The following SLC25A12 variants were observed in gnomAD, a reference collection of about 807,000 sequenced individuals.
SLC25A12 encodes solute carrier family 25 member 12, also known as electrogenic aspartate/glutamate antiporter SLC25A12, mitochondrial.
Under a neutral mutation model 83.3 loss-of-function variants are expected in SLC25A12, and 32 were observed. That is an observed-to-expected ratio of 0.38 (90% CI 0.29 to 0.52). The LOEUF is 0.52. SLC25A12 is among the 20% of genes least tolerant of loss of function. The pLI, the probability that SLC25A12 is intolerant of heterozygous loss-of-function variation, is 0.84. For synonymous variants in SLC25A12, 267 were observed against 291.1 expected (o/e 0.92, Z 0.84); for missense variants, 611 against 835.6 (o/e 0.73, Z 3.31).
At chr2:171,802,140 C>A (rs1157325590) in intron 13 of SLC25A12, among the ~76,000 whole-genome samples, 2 of 152,070 alleles carry the variant, frequency 1.3e-5, no homozygotes, top group Non-Finnish European at 2.9e-5. Context: ...TACCCCATCT[C>A]CACCTAAAAA....
intron 3 of SLC25A12, among the ~76,000 whole-genome samples, chr2:171,857,434 C>T (rs947345317): frequency 6.6e-6 from 1 of 152,000 alleles, no homozygotes; most frequent in East Asian, 1.9e-4. Flanking sequence ...CCTGTAATGC[C>T]AGCACTTTGG....
At chr2:171,835,900 C>T (rs1225685576) in intron 6 of SLC25A12, among the ~76,000 whole-genome samples, 4 of 151,900 alleles carry the variant, frequency 2.6e-5, no homozygotes, top group Non-Finnish European at 5.9e-5. Context: ...ATATACTCCT[C>T]TGAGGATTAG....
chr2:171,821,055 C>T (rs780574915), intron 9 of SLC25A12, among the ~76,000 whole-genome samples: 8 of 103,908 alleles, frequency 7.7e-5, no homozygotes, highest in East Asian at 3.3e-4. Context: ...TTTGAGACAG[C>T]GTCTCCCTCT....
chr2:171,810,561 G>A (rs1480394096), intron 11 of SLC25A12, among the ~76,000 whole-genome samples: 1 of 152,152 alleles, frequency 6.6e-6, no homozygotes, highest in Non-Finnish European at 1.5e-5. Context: ...AGAAGAAACG[G>A]AGCCATGCGT....
At chr2:171,816,810 A>T (rs553309430) in intron 9 of SLC25A12, among the ~76,000 whole-genome samples, 2 of 152,356 alleles carry the variant, frequency 1.3e-5, no homozygotes, top group East Asian at 3.9e-4. Context: ...TTTCAAGGCA[A>T]TGATGATATT....
intron 13 of SLC25A12, among the ~76,000 whole-genome samples, chr2:171,803,033 A>G (rs1288186204): frequency 6.6e-6 from 1 of 152,130 alleles, no homozygotes; most frequent in Non-Finnish European, 1.5e-5. Flanking sequence ...ACACATGTAT[A>G]TGAAAACATT....
chr2:171,852,418 A>G lies in SLC25A12; in HGVS notation c.325+3416T>C, dbSNP rs116003401. Among the ~76,000 whole-genome samples, 887 of 152,386 alleles carry G rather than the reference A, an allele frequency of 5.8e-3. 7 individuals are homozygous for G. Among genetic ancestry groups the G allele is most frequent in the African/African-American group, 0.018 (753 of 41,588 alleles). On this transcript the variant is annotated intron_variant, in intron 4 of 17. Coordinates refer to ENST00000422440, the MANE Select transcript of SLC25A12 (RefSeq NM_003705.5). ...GATAACATTATCATCATAGTCTACA[A>G]GAGATGCTGATAGCATAACAGGTTT...
chr2:171,871,231 C>T (rs1685450649), intron 2 of SLC25A12, among the ~76,000 whole-genome samples: 1 of 151,964 alleles, frequency 6.6e-6, no homozygotes, highest in African/African-American at 2.4e-5. Context: ...AAAAAAGCCA[C>T]AGAGACTACC....
At chr2:171,871,532 G>C (rs1377766736) in intron 2 of SLC25A12, among the ~76,000 whole-genome samples, 2 of 152,144 alleles carry the variant, frequency 1.3e-5, no homozygotes, top group Non-Finnish European at 2.9e-5. Flanking sequence ...TGTTAGGCCA[G>C]GATGGTCTTG....
intron 2 of SLC25A12, among the ~76,000 whole-genome samples, chr2:171,885,176 C>CAAA (rs11458998): frequency 2.5e-5 from 3 of 120,478 alleles, no homozygotes; most frequent in Middle Eastern, 4.9e-3. Context: ...GACTCCGTCT[C>CAAA]AAAAAAAAAA....
intron 9 of SLC25A12, among the ~76,000 whole-genome samples, chr2:171,823,518 T>C (rs1187611194): frequency 6.6e-6 from 1 of 152,212 alleles, no homozygotes; most frequent in Non-Finnish European, 1.5e-5. Flanking sequence ...ATTCTAATAA[T>C]TATTTATTAT....
intron 11 of SLC25A12, among the ~76,000 whole-genome samples, chr2:171,813,086 G>A (rs113355908): frequency 3.3e-5 from 5 of 151,914 alleles, no homozygotes; most frequent in Admixed American, 1.3e-4. Flanking sequence ...ACCCATGTTG[G>A]GACAAACACA....
chr2:171,814,039 A>G (rs1363869777), intron 10 of SLC25A12, among the ~76,000 whole-genome samples: 1 of 152,200 alleles, frequency 6.6e-6, no homozygotes, highest in Non-Finnish European at 1.5e-5. Flanking sequence ...TTTAAAAGAA[A>G]ATATGGCTAT....
chr2:171,814,593 G>T (rs1684011595), intron 10 of SLC25A12, among the ~76,000 whole-genome samples: 1 of 151,892 alleles, frequency 6.6e-6, no homozygotes. Flanking sequence ...CATCGCCCAG[G>T]TATTAATCCC....
At chr2:171,894,135 G>A in intron 1 of SLC25A12, 68 bp downstream of exon 1, 3 of 1,568,914 alleles carry the variant, frequency 1.9e-6, no homozygotes, top group East Asian at 2.4e-5. Flanking sequence ...GAAGCAGTGG[G>A]GGGCTGCAGG....
At chr2:171,798,338 A>G (rs1285221825) in intron 13 of SLC25A12, among the ~76,000 whole-genome samples, 1 of 152,096 alleles carries the variant, frequency 6.6e-6, no homozygotes, top group East Asian at 1.9e-4. Context: ...TCTCAATCCT[A>G]CCCCTGGGGC....
At position 171,826,578 on chromosome 2, in the gene SLC25A12, C is replaced by T. The variant is rs1293840369; in HGVS notation, c.930+220G>A. 2.6e-5 allele frequency among the ~76,000 whole-genome samples: 4 copies of T among 152,266 alleles called. No homozygotes were observed. The East Asian group carries it at 7.7e-4, about 29-fold the overall frequency. ...AAGCCGAGATCACGCCATTGCACTC[C>T]AGCCTGGGCAACACAGCCAGACTCC... is the stretch of plus-strand genomic sequence containing the variant. On this transcript the variant is annotated intron_variant, in intron 9 of 17. Transcript: ENST00000422440.
chr2:171,832,537 C>T (rs1263995409), intron 8 of SLC25A12, among the ~76,000 whole-genome samples: 1 of 152,082 alleles, frequency 6.6e-6, no homozygotes, highest in Non-Finnish European at 1.5e-5. Context: ...GTATATTTAC[C>T]CCCTTAAAAT....
chr2:171,880,993 T>A (rs559095988), intron 2 of SLC25A12, among the ~76,000 whole-genome samples: 1 of 152,236 alleles, frequency 6.6e-6, no homozygotes, highest in Admixed American at 6.5e-5. Flanking sequence ...ATGGGAATAC[T>A]AATCGTTCCT....
Sources: gnomAD v4.1 joint callset for allele counts (sites outside exome capture counted in the v4.1 genomes callset) on GRCh38, gnomAD v4.1.1 for gene constraint, MANE v1.5 for transcripts, NCBI Gene and HGNC (gene_info 2026-07-23, HGNC 2026-07-21) for gene names.